LOXHD1: variants seen among roughly 807,000 people sequenced by gnomAD.
LOXHD1 encodes the protein lipoxygenase homology PLAT domains 1.
LOXHD1 carries 205 observed loss-of-function variants against 248.2 expected under a neutral mutation model. That is an observed-to-expected ratio of 0.83 (90% CI 0.74 to 0.93). The LOEUF is 0.93. Ranked by LOEUF, LOXHD1 falls within the 40% of genes least tolerant of loss-of-function variation. LOXHD1 has a pLI of 0.00. For synonymous variants in LOXHD1, 1,113 were observed against 1,162.8 expected (o/e 0.96, Z 0.87); for missense variants, 2,930 against 2,971.6 (o/e 0.99, Z 0.33).
At chr18:46,627,590 A>G (rs1342806211) in intron 4 of LOXHD1, among the ~76,000 whole-genome samples, 1 of 152,250 alleles carries the variant, frequency 6.6e-6, no homozygotes, top group Non-Finnish European at 1.5e-5. Context: ...ACACAATTCC[A>G]TGCATTCTCC....
chr18:46,622,463 T>C (rs558778081), intron 4 of LOXHD1, among the ~76,000 whole-genome samples: 2 of 152,298 alleles, frequency 1.3e-5, no homozygotes, highest in East Asian at 3.9e-4. Context: ...GGTGACAGGC[T>C]GGGATTGGGC....
At chr18:46,512,452 G>A (rs545086051) in intron 34 of LOXHD1, among the ~76,000 whole-genome samples, 1 of 152,202 alleles carries the variant, frequency 6.6e-6, no homozygotes, top group Admixed American at 6.5e-5. Flanking sequence ...AAAAACCCTT[G>A]TCTCTGAATT....
At chr18:46,513,405 A>G (rs1371487292) in intron 34 of LOXHD1, among the ~76,000 whole-genome samples, 1 of 152,228 alleles carries the variant, frequency 6.6e-6, no homozygotes, top group Non-Finnish European at 1.5e-5. Flanking sequence ...AGGTCTTTGC[A>G]GATGTAATTA....
chr18:46,565,695 G>C (rs2057580145), intron 17 of LOXHD1, among the ~76,000 whole-genome samples: 1 of 152,014 alleles, frequency 6.6e-6, no homozygotes, highest in African/African-American at 2.4e-5. Context: ...AATATCTCTA[G>C]GTTACTTATA....
intron 37 of LOXHD1, among the ~76,000 whole-genome samples, chr18:46,501,121 A>G (rs2034200030): frequency 6.6e-6 from 1 of 152,230 alleles, no homozygotes; most frequent in Non-Finnish European, 1.5e-5. Flanking sequence ...CAATGGATAT[A>G]TAGTTGATCT....
intron 35 of LOXHD1, among the ~76,000 whole-genome samples, chr18:46,509,008 A>G (rs2034773940): frequency 6.6e-6 from 1 of 151,606 alleles, no homozygotes; most frequent in South Asian, 2.1e-4. Context: ...CCTGAGAAGG[A>G]GCAGCTGCCT....
chr18:46,523,818 C>T (rs1404274737), intron 31 of LOXHD1, among the ~76,000 whole-genome samples: 1 of 151,998 alleles, frequency 6.6e-6, no homozygotes, highest in Non-Finnish European at 1.5e-5. Flanking sequence ...AAAAGGTAAA[C>T]TGCAAGCAGA....
At chr18:46,628,975 G>A (rs906826034) in intron 4 of LOXHD1, among the ~76,000 whole-genome samples, 1 of 152,182 alleles carries the variant, frequency 6.6e-6, no homozygotes, top group African/African-American at 2.4e-5. Context: ...TCCATGGTGG[G>A]GGACTATCTT....
chr18:46,505,995 G>C lies in LOXHD1; in HGVS notation c.5721C>G (p.Ile1907Met). Residue 1907 changes from isoleucine to methionine, a missense_variant, in exon 37 of 41, where the codon ATC becomes ATG. Transcript: ENST00000642948. ...LGAGTDANVF[I>M]IIFGENGDSG... ...TATCCCCGTTCTCCCCGAAGATGAT[G>C]ATGAACACGTTGGCATCAGTGCCTG... 6.4e-7 allele frequency: 1 copy of C among 1,552,304 alleles called. No individual in the cohort carries two copies. Among genetic ancestry groups the C allele is most frequent in the Admixed American group, 2.0e-5 (1 of 51,012 alleles).
intron 2 of LOXHD1, among the ~76,000 whole-genome samples, chr18:46,645,274 C>T (rs2144390098): frequency 6.6e-6 from 1 of 152,318 alleles, no homozygotes; most frequent in African/African-American, 2.4e-5. Flanking sequence ...CTTGCAGAAG[C>T]CTGGAGCCTC....
Position 46,593,778 on chromosome 18 carries a change from T to A in LOXHD1, c.1271-18A>T, listed in dbSNP as rs2038215038. 1 of 1,550,998 alleles carries A rather than the reference T, an allele frequency of 6.4e-7. No homozygotes were observed. Among genetic ancestry groups the A allele is most frequent in the Admixed American group, 2.0e-5 (1 of 50,922 alleles). Reference sequence around the variant, plus strand: ...AGGGAATTCTGTAAGACAGATCAAGTTGCACCATAAACTTCAGGAAGTGAA... The same window carrying A: ...AGGGAATTCTGTAAGACAGATCAAGATGCACCATAAACTTCAGGAAGTGAA... On this transcript the variant is annotated intron_variant, in intron 9 of 40. Transcript: ENST00000642948.
chr18:46,649,089 G>A (rs891829178), intron 2 of LOXHD1, 66 bp downstream of exon 2: 1 of 1,349,442 alleles, frequency 7.4e-7, no homozygotes, highest in East Asian at 2.5e-5. Flanking sequence ...GGCCACCCTT[G>A]GGTCCCAGAA....
chr18:46,604,129 A>G lies in LOXHD1; in HGVS notation c.860T>C (p.Leu287Ser). The G allele has an allele frequency of 6.4e-7, 1 of 1,551,742 alleles. No individual in the cohort carries two copies. Among genetic ancestry groups the G allele is most frequent in the Non-Finnish European group, 8.7e-7 (1 of 1,146,992 alleles). Residue 287 changes from leucine (L) to serine (S), a missense_variant, in exon 7 of 41, where the codon TTA becomes TCA. Leu to Ser is a moderately radical substitution (Grantham distance 145). Coordinates refer to ENST00000642948, the MANE Select transcript of LOXHD1 (RefSeq NM_001384474.1). ...EDDGKIQRDI[L>S]VGGAETTAIT... ...ACCTGTGGTCTCAGCTCCGCCCACTAAGATATCCCTTTGGATTTTGCCATC... is the reference window on the plus strand; with the variant it reads ...ACCTGTGGTCTCAGCTCCGCCCACTGAGATATCCCTTTGGATTTTGCCATC...
chr18:46,633,678 G>T (rs2038856140), intron 4 of LOXHD1, among the ~76,000 whole-genome samples: 1 of 152,122 alleles, frequency 6.6e-6, no homozygotes, highest in Admixed American at 6.5e-5. Context: ...AGAGTAAAAA[G>T]ACAACTCATC....
intron 5 of LOXHD1, among the ~76,000 whole-genome samples, chr18:46,615,811 T>C (rs1339452182): frequency 6.6e-6 from 1 of 152,234 alleles, no homozygotes; most frequent in Non-Finnish European, 1.5e-5. Flanking sequence ...ACTATGATTC[T>C]GTATTTGCCA....
At chr18:46,513,524 A>T (rs560828313) in intron 34 of LOXHD1, among the ~76,000 whole-genome samples, 3 of 152,318 alleles carry the variant, frequency 2.0e-5, no homozygotes, top group East Asian at 3.9e-4. Context: ...CAACACATAC[A>T]CAAAAGAGGT....
At chr18:46,532,464 C>A (rs537937449) in intron 28 of LOXHD1, among the ~76,000 whole-genome samples, 1 of 152,072 alleles carries the variant, frequency 6.6e-6, no homozygotes, top group Admixed American at 6.5e-5. Context: ...GAGGACTGAG[C>A]CTTGAGGAAT....
intron 1 of LOXHD1, among the ~76,000 whole-genome samples, chr18:46,651,329 G>A (rs562473311): frequency 1.6e-4 from 25 of 152,254 alleles, no homozygotes; most frequent in South Asian, 8.3e-4. Flanking sequence ...GATAACCAAA[G>A]CCTTAATTCT....
At chr18:46,553,269 C>A (rs763830789) in intron 21 of LOXHD1, among the ~76,000 whole-genome samples, 2 of 152,188 alleles carry the variant, frequency 1.3e-5, no homozygotes, top group Non-Finnish European at 2.9e-5. Flanking sequence ...GGGTGCTGGG[C>A]GCCTAAACAC....
Sources: allele counts gnomAD v4.1 joint callset (sites outside exome capture counted in the v4.1 genomes callset), GRCh38; gene constraint gnomAD v4.1.1; transcripts MANE v1.5; gene names NCBI Gene and HGNC (gene_info 2026-07-23, HGNC 2026-07-21).